Variants in DLGAP5 observed in about 807,000 individuals in gnomAD.
DLGAP5 encodes the protein disks large-associated protein 5.
Under a neutral mutation model 99.6 loss-of-function variants are expected in DLGAP5, and 90 were observed. The ratio of observed to expected loss-of-function variants is 0.90; its 90% CI spans 0.76 to 1.08. DLGAP5 has a LOEUF of 1.08. DLGAP5 is among the 50% of genes least tolerant of loss of function. The pLI, the probability that DLGAP5 is intolerant of heterozygous loss-of-function variation, is 0.00. For missense variants in DLGAP5, 1,036 were observed against 983.5 expected, an observed-to-expected ratio of 1.05 and a Z score of -0.71; for synonymous variants, 311 against 321.3, an observed-to-expected ratio of 0.97 and a Z score of 0.34.
chr14:55,177,081 T>C lies in DLGAP5; in HGVS notation c.1030A>G (p.Thr344Ala), dbSNP rs1350225677. ...NAFLTPSYTWTPLKTEVDESQ... is the reference protein window; with the variant it reads ...NAFLTPSYTWAPLKTEVDESQ... ...TCTTACACTTCTGTTTTTAAAGGAG[T>C]CCAGGTGTAACTGGGTGTCAAAAAA... The change falls in exon 8 of 19, where the codon ACT becomes GCT. Residue 344 changes from threonine (T) to alanine (A), a missense_variant. Transcript: ENST00000247191. 2.1e-5 allele frequency: 31 copies of C among 1,490,270 alleles called. No individual in the cohort carries two copies. In the African/African-American group the frequency reaches 3.3e-4, roughly 16 times the overall value. The allele number at this position is 1,490,270 out of a possible 1,614,324, so 92.3% of individuals were successfully genotyped here. A position where few individuals can be genotyped will look rare whatever the true frequency, so the allele number is the denominator to read the frequency against.
intron 1 of DLGAP5, among the ~76,000 whole-genome samples, chr14:55,190,744 A>C (rs1366066642): frequency 1.3e-5 from 2 of 152,236 alleles, no homozygotes; most frequent in African/African-American, 4.8e-5. Flanking sequence ...TGCTAATAAC[A>C]TTCTCCTCTA....
At chr14:55,160,592 C>T (rs1431412709) in intron 13 of DLGAP5, among the ~76,000 whole-genome samples, 1 of 151,628 alleles carries the variant, frequency 6.6e-6, no homozygotes, top group Non-Finnish European at 1.5e-5. Context: ...GGATTACAGG[C>T]GCCCGCCACC....
At chr14:55,189,798 T>C (rs1883550683) in intron 1 of DLGAP5, among the ~76,000 whole-genome samples, 1 of 152,154 alleles carries the variant, frequency 6.6e-6, no homozygotes. Context: ...TGTTTTTTTT[T>C]GGTTTTTATG....
intron 17 of DLGAP5, among the ~76,000 whole-genome samples, chr14:55,151,306 G>T (rs1882008833): frequency 1.3e-5 from 2 of 151,810 alleles, no homozygotes; most frequent in African/African-American, 4.8e-5. Flanking sequence ...AGGATATTTT[G>T]AAGAAAGACT....
At chr14:55,175,723 CT>C (rs1883037827) in intron 9 of DLGAP5, among the ~76,000 whole-genome samples, 170 bp downstream of exon 9, 1 of 152,066 alleles carries the variant, frequency 6.6e-6, no homozygotes, top group Non-Finnish European at 1.5e-5. Flanking sequence ...GCTTTCCCGT[CT>C]TTTCTGACCC....
intron 8 of DLGAP5, among the ~76,000 whole-genome samples, chr14:55,176,233 A>G (rs1883058379): frequency 6.6e-6 from 1 of 152,222 alleles, no homozygotes; most frequent in Non-Finnish European, 1.5e-5. Flanking sequence ...GATTTTGAAG[A>G]TTTCTTAATG....
At chr14:55,182,562 C>T (rs1242947177) in intron 3 of DLGAP5, 130 bp from the exon 4 acceptor site, 7 of 614,474 alleles carry the variant, frequency 1.1e-5, no homozygotes, top group Admixed American at 3.4e-5. Context: ...CAAAAAGATA[C>T]TTAAATTCCT....
intron 14 of DLGAP5, among the ~76,000 whole-genome samples, chr14:55,155,096 C>A (rs1882162055): frequency 6.6e-6 from 1 of 152,206 alleles, no homozygotes; most frequent in Admixed American, 6.5e-5. Context: ...GATCTCTCGG[C>A]TCACTGCAAC....
intron 13 of DLGAP5, among the ~76,000 whole-genome samples, chr14:55,160,468 G>T (rs1011827929): frequency 1.3e-5 from 2 of 151,212 alleles, no homozygotes; most frequent in Non-Finnish European, 2.9e-5. Flanking sequence ...TGTTATTTTT[G>T]AGAGAGTCTT....
chr14:55,174,799 T>A (rs1882997839), intron 10 of DLGAP5, among the ~76,000 whole-genome samples: 1 of 152,106 alleles, frequency 6.6e-6, no homozygotes, highest in Admixed American at 6.5e-5. Context: ...CAAGCAATTC[T>A]CCTGCCTTAG....
Position 55,176,038 on chromosome 14 carries a change from T to C in DLGAP5, c.1050-20A>G. 1 of 1,592,948 alleles carries C rather than the reference T, an allele frequency of 6.3e-7. No individual in the cohort carries two copies. Among genetic ancestry groups the C allele is most frequent in the Non-Finnish European group, 8.6e-7 (1 of 1,169,106 alleles). The stretch of plus-strand genomic sequence containing the variant: ...TCATCACTAAAAACAATAGCAAAAA[T>C]ATACTTCATGAAACATGAACTCCAT... On this transcript the variant is annotated intron_variant, in intron 8 of 18. Coordinates refer to ENST00000247191, the MANE Select transcript of DLGAP5 (RefSeq NM_014750.5).
chr14:55,164,051 T>C (rs1249539819), intron 12 of DLGAP5, among the ~76,000 whole-genome samples: 1 of 152,246 alleles, frequency 6.6e-6, no homozygotes, highest in Non-Finnish European at 1.5e-5. Context: ...ATAATCCCCA[T>C]CTTTCTGATA....
At chr14:55,152,230 T>A (rs1000634914) in intron 16 of DLGAP5, among the ~76,000 whole-genome samples, 4 of 152,204 alleles carry the variant, frequency 2.6e-5, no homozygotes, top group Non-Finnish European at 5.9e-5. Context: ...GGTTTGTGAG[T>A]CACAGGGTCT....
rs1882592940 is a variant in DLGAP5 at position 55,165,099 on chromosome 14, TAATA to T, written c.1549-2028_1549-2025del. Among the ~76,000 whole-genome samples the T allele has an allele frequency of 2.0e-5, 3 of 152,036 alleles. No homozygotes were observed. The South Asian group carries it at 6.2e-4, about 32-fold the overall frequency. Reference sequence around the variant, plus strand: ...TACATAAAGAATACTTAAAACTCAATAATAAAGACAATGAAATTTAAAAATGGGT... The same window carrying T: ...TACATAAAGAATACTTAAAACTCAATAAGACAATGAAATTTAAAAATGGGT... On this transcript the variant is annotated intron_variant, in intron 12 of 18. Transcript: ENST00000247191.
intron 15 of DLGAP5, among the ~76,000 whole-genome samples, chr14:55,153,467 G>C (rs1039681929): frequency 2.0e-5 from 3 of 151,606 alleles, no homozygotes; most frequent in Admixed American, 6.6e-5. Flanking sequence ...CTTGAACCTG[G>C]GAGGCGGAGG....
chr14:55,163,181 T>C, intron 12 of DLGAP5, 106 bp from the exon 13 acceptor site: 1 of 556,962 alleles, frequency 1.8e-6, no homozygotes, highest in Non-Finnish European at 2.9e-6. Flanking sequence ...TCAGAAATGA[T>C]GAGTTATTAA....
intron 10 of DLGAP5, among the ~76,000 whole-genome samples, chr14:55,174,120 A>G (rs1241338978): frequency 5.3e-5 from 8 of 152,218 alleles, no homozygotes; most frequent in Non-Finnish European, 1.0e-4. Context: ...CTCAGCAAGG[A>G]ACATCCCTGA....
intron 12 of DLGAP5, among the ~76,000 whole-genome samples, chr14:55,164,921 C>CAAAA (rs764017142): frequency 5.1e-5 from 2 of 39,214 alleles, no homozygotes; most frequent in Admixed American, 2.2e-4. Context: ...GACTCTGTCT[C>CAAAA]AAAAAAAAAA....
At chr14:55,186,022 G>A (rs976251645) in intron 2 of DLGAP5, among the ~76,000 whole-genome samples, 1 of 152,198 alleles carries the variant, frequency 6.6e-6, no homozygotes, top group Non-Finnish European at 1.5e-5. Context: ...TGTACTCCTA[G>A]CACTTTGGGA....
Sources: allele counts gnomAD v4.1 joint callset (sites outside exome capture counted in the v4.1 genomes callset), GRCh38; gene constraint gnomAD v4.1.1; transcripts MANE v1.5; gene names NCBI Gene and HGNC (gene_info 2026-07-23, HGNC 2026-07-21).